The following WDR59 variants were observed in gnomAD, a reference collection of about 807,000 sequenced individuals.
WDR59 encodes the protein GATOR2 complex protein WDR59.
A neutral mutation model predicts 131.2 loss-of-function variants in WDR59; 100 were observed. That is an observed-to-expected ratio of 0.76 (90% CI 0.65 to 0.90). The LOEUF (loss-of-function observed/expected upper bound fraction) is 0.90. Among genes scored for constraint, WDR59 ranks in the 40% least tolerant of loss-of-function variants. The pLI is 0.00. For synonymous variants in WDR59, 601 were observed against 466.2 expected (o/e 1.29, Z -3.72); for missense variants, 1,203 against 1,262.2 (o/e 0.95, Z 0.71).
chr16:74,877,216 C>T (rs1964256490), intron 25 of WDR59, among the ~76,000 whole-genome samples: 1 of 151,984 alleles, frequency 6.6e-6, no homozygotes, highest in Non-Finnish European at 1.5e-5. Context: ...TTTAAATTTG[C>T]TGGTTTTGTG....
chr16:74,976,820 C>A (rs1442891267), intron 1 of WDR59, among the ~76,000 whole-genome samples: 1 of 151,954 alleles, frequency 6.6e-6, no homozygotes, highest in Non-Finnish European at 1.5e-5. Context: ...GAGTTCGAGA[C>A]CAGCCTGGCC....
chr16:74,967,532 T>C lies in WDR59; in HGVS notation c.55-1710A>G, dbSNP rs1194997614. On this transcript the variant is annotated intron_variant, in intron 1 of 25. Coordinates refer to ENST00000262144, the MANE Select transcript of WDR59 (RefSeq NM_030581.4). Reference sequence around the variant, plus strand: ...TAGCTACTATTGGGAAGGGATTTTATGGATGTAATTAAGGTCCCAATCAAT... The same window carrying C: ...TAGCTACTATTGGGAAGGGATTTTACGGATGTAATTAAGGTCCCAATCAAT... 4.6e-5 allele frequency among the ~76,000 whole-genome samples: 7 copies of C among 152,134 alleles called. No individual in the cohort carries two copies. In the South Asian group the frequency reaches 1.5e-3, roughly 32 times the overall value.
chr16:74,962,076 G>C (rs530197770), intron 2 of WDR59, among the ~76,000 whole-genome samples: 48 of 152,210 alleles, frequency 3.2e-4, no homozygotes, highest in African/African-American at 1.1e-3. Context: ...TTTTTGTCAA[G>C]TTTGTCAAAG....
At chr16:74,911,867 G>A (rs1343235377) in intron 14 of WDR59, 3 of 470,020 alleles carry the variant, frequency 6.4e-6, no homozygotes, top group Middle Eastern at 5.3e-4. Flanking sequence ...GTATTAATGA[G>A]ATCTGTGGGC....
intron 14 of WDR59, among the ~76,000 whole-genome samples, chr16:74,910,951 C>T (rs1283610916): frequency 3.3e-5 from 5 of 152,192 alleles, no homozygotes; most frequent in Non-Finnish European, 1.5e-5. Context: ...ACAACCCCCA[C>T]CTCCTGGGTT....
intron 8 of WDR59, among the ~76,000 whole-genome samples, chr16:74,932,828 A>G (rs2031506064): frequency 6.6e-6 from 1 of 152,150 alleles, no homozygotes; most frequent in Non-Finnish European, 1.5e-5. Flanking sequence ...GGGTGAAAGG[A>G]TTTACAAATA....
intron 20 of WDR59, 48 bp from the exon 21 acceptor site, chr16:74,889,863 A>G: frequency 1.4e-6 from 2 of 1,465,538 alleles, no homozygotes; most frequent in Non-Finnish European, 1.9e-6. Context: ...AAGGACAAGA[A>G]CCGAAACCAT....
chr16:74,876,822 G>A (rs1490947531), intron 25 of WDR59, among the ~76,000 whole-genome samples: 3 of 152,096 alleles, frequency 2.0e-5, no homozygotes, highest in East Asian at 1.9e-4. Context: ...TTGCTGGTGC[G>A]TGCTTCCTCT....
At chr16:74,942,401 G>A (rs970200216) in intron 7 of WDR59, among the ~76,000 whole-genome samples, 1 of 152,102 alleles carries the variant, frequency 6.6e-6, no homozygotes, top group Non-Finnish European at 1.5e-5. Flanking sequence ...TGGGCTCCAC[G>A]GCTTAACCCC....
At chr16:74,961,351 A>G (rs2033559238) in intron 2 of WDR59, among the ~76,000 whole-genome samples, 1 of 152,182 alleles carries the variant, frequency 6.6e-6, no homozygotes, top group Non-Finnish European at 1.5e-5. Context: ...TGAAAGTTCT[A>G]GGTCTTTCAA....
At position 74,887,724 on chromosome 16, in the gene WDR59, C is replaced by A; in HGVS notation, c.2378G>T (p.Ser793Ile). The change falls in exon 23 of 26, where the codon AGT becomes ATT. Residue 793 changes from serine (S) to isoleucine (I), a missense_variant. By Grantham distance (142) the Ser-to-Ile change is moderately radical. Coordinates refer to ENST00000262144, the MANE Select transcript of WDR59 (RefSeq NM_030581.4). ...PSFTSSGSCS[S>I]MSDPGLNTGG... is the part of the protein sequence containing the mutation. ...AGTGTTGAGCCCTGGGTCTGACATA[C>A]TGGAGCAGGAACCAGAAGAGGTAAA... is the stretch of plus-strand genomic sequence containing the variant. 1 of 1,614,134 alleles carries A rather than the reference C, an allele frequency of 6.2e-7. No individual in the cohort carries two copies. Among genetic ancestry groups the A allele is most frequent in the Non-Finnish European group, 8.5e-7 (1 of 1,180,010 alleles).
intron 25 of WDR59, among the ~76,000 whole-genome samples, chr16:74,877,312 G>A (rs1011422901): frequency 2.0e-5 from 3 of 151,910 alleles, no homozygotes; most frequent in African/African-American, 7.3e-5. Flanking sequence ...CACTTTAAGA[G>A]GAAAAAAACA....
intron 17 of WDR59, 62 bp downstream of exon 17, chr16:74,908,846 C>T (rs189714854): frequency 1.2e-4 from 170 of 1,447,902 alleles, no homozygotes; most frequent in Middle Eastern, 1.7e-4. Flanking sequence ...TGGTCCTTCC[C>T]AGGTCTCTGG....
At chr16:74,974,400 A>C (rs2034105998) in intron 1 of WDR59, among the ~76,000 whole-genome samples, 1 of 152,164 alleles carries the variant, frequency 6.6e-6, no homozygotes, top group Non-Finnish European at 1.5e-5. Flanking sequence ...AATGGTAATC[A>C]ACATTTATCA....
At chr16:74,920,574 T>A (rs1275161648) in intron 10 of WDR59, among the ~76,000 whole-genome samples, 1 of 152,162 alleles carries the variant, frequency 6.6e-6, no homozygotes, top group Non-Finnish European at 1.5e-5. Context: ...CTCATTTTTG[T>A]ATTTTCAGCA....
At position 74,965,892 on chromosome 16, in the gene WDR59, G is replaced by A. The variant is rs1392203501; in HGVS notation, c.55-70C>T. On this transcript the variant is annotated intron_variant, in intron 1 of 25. Transcript: ENST00000262144. The stretch of plus-strand genomic sequence containing the variant: ...GGGGATAGAAGGCAGAGGTCTCTGT[G>A]GCTCTTCCTCTTCCTGTCTCCCAAG... 12 of 1,552,052 alleles carry A rather than the reference G, an allele frequency of 7.7e-6. No homozygotes were observed. The African/African-American group carries it at 8.2e-5, about 11-fold the overall frequency.
Position 74,916,208 on chromosome 16 carries a change from A to T in WDR59, c.1018T>A (p.Ser340Thr), listed in dbSNP as rs1966371149. 6.2e-7 allele frequency: 1 copy of T among 1,613,898 alleles called. No homozygotes were observed. The highest frequency in any genetic ancestry group is 1.3e-5 in the African/African-American group (1 of 74,908). The change falls in exon 12 of 26, where the codon TCC becomes ACC. Residue 340 changes from serine to threonine, a missense_variant. Coordinates refer to ENST00000262144, the MANE Select transcript of WDR59 (RefSeq NM_030581.4). ...GTCTTCTCAGGTTCCGGCAGAAGGG[A>T]AATACTCTCAATGAACTCATCAACA... ...DGVDEFIESI[S>T]LLPEPEKTLH...
At chr16:74,978,467 G>T (rs909699156) in intron 1 of WDR59, among the ~76,000 whole-genome samples, 1 of 152,102 alleles carries the variant, frequency 6.6e-6, no homozygotes, top group African/African-American at 2.4e-5. Context: ...CTCCAGCCTG[G>T]GCAACTGAGA....
rs559811288 is a variant in WDR59, at chr16:74,898,217, A to C, written c.1867-4405T>G. 2.6e-5 allele frequency among the ~76,000 whole-genome samples: 4 copies of C among 152,316 alleles called. No individual in the cohort carries two copies. In the South Asian group the frequency reaches 8.3e-4, roughly 32 times the overall value. On this transcript the variant is annotated intron_variant, in intron 18 of 25. Coordinates refer to ENST00000262144, the MANE Select transcript of WDR59 (RefSeq NM_030581.4). The stretch of plus-strand genomic sequence containing the variant: ...CAGAGCATACTGACACATGAGGCTA[A>C]GGTGTGGTTGATCTTTCTGCACTGG...
Sources: gnomAD v4.1 joint callset for allele counts (sites outside exome capture counted in the v4.1 genomes callset) on GRCh38, gnomAD v4.1.1 for gene constraint, MANE v1.5 for transcripts, NCBI Gene and HGNC (gene_info 2026-07-23, HGNC 2026-07-21) for gene names.